The following MAPK6 variants were observed in gnomAD, a reference collection of about 807,000 sequenced individuals.
MAPK6 encodes the protein mitogen-activated protein kinase 6.
A neutral mutation model predicts 59.3 loss-of-function variants in MAPK6; 19 were observed. The ratio of observed to expected loss-of-function variants is 0.32; its 90% CI spans 0.22 to 0.47. The LOEUF (loss-of-function observed/expected upper bound fraction) is 0.47, where lower values mean the gene tolerates loss of function less well. Among genes scored for constraint, MAPK6 ranks in the 20% least tolerant of loss-of-function variants. MAPK6 has a pLI of 1.00. For missense variants in MAPK6, 724 were observed against 847.9 expected, an observed-to-expected ratio of 0.85 and a Z score of 1.81; for synonymous variants, 316 against 290.3, an observed-to-expected ratio of 1.09 and a Z score of -0.90.
chr15:52,059,477 A>T (rs1566913877), intron 4 of MAPK6, among the ~76,000 whole-genome samples: 4 of 152,050 alleles, frequency 2.6e-5, no homozygotes, highest in Admixed American at 2.6e-4. Context: ...TGGGAGGTGG[A>T]GTGGGGAACA....
intron 3 of MAPK6, chr15:52,056,974 T>C (rs1386944405): frequency 6.6e-6 from 1 of 152,224 alleles, no homozygotes; most frequent in Admixed American, 6.5e-5. Flanking sequence ...GGGCCCCTGA[T>C]ATTTCTTCCT....
At chr15:51,976,196 G>T (rs772112465) in intron 1 of MAPK6, among the ~76,000 whole-genome samples, 1 of 150,046 alleles carries the variant, frequency 6.7e-6, no homozygotes, top group Non-Finnish European at 1.5e-5. Context: ...AACCCGGGAG[G>T]CAGAGGTTGC....
upstream of MAPK6, among the ~76,000 whole-genome samples, chr15:52,015,918 C>A (rs1442674578): frequency 2.3e-4 from 1 of 4,418 alleles, no homozygotes; most frequent in African/African-American, 2.7e-4. Flanking sequence ...ATTAGTTGGG[C>A]GTGGTGGCGC....
chr15:51,986,715 C>G (rs987226428), intron 2 of MAPK6, among the ~76,000 whole-genome samples: 1 of 152,110 alleles, frequency 6.6e-6, no homozygotes, highest in African/African-American at 2.4e-5. Flanking sequence ...ATATTTTCCC[C>G]TCTCAAAGGT....
Position 52,067,359 on chromosome 15 carries a change from A to C in MAPK6, c.*2359A>C, listed in dbSNP as rs1487563880. The C allele has an allele frequency of 6.6e-6, 1 of 152,206 alleles. No homozygotes were observed. Among genetic ancestry groups the C allele is most frequent in the Admixed American group, 6.5e-5 (1 of 15,280 alleles). The allele number at this position is 152,206 out of a possible 1,614,324, so 9.4% of individuals were successfully genotyped here. On this transcript the variant is annotated 3_prime_UTR_variant, in exon 6 of 6. Transcript: ENST00000261845. The stretch of plus-strand genomic sequence containing the variant: ...GTTGTAAAGTCAATTTCCAATAAAA[A>C]TTTTATGTGCCAATTACTTTGTCTC...
chr15:52,028,262 T>G (rs1318570628), intron 1 of MAPK6, among the ~76,000 whole-genome samples: 1 of 151,936 alleles, frequency 6.6e-6, no homozygotes, highest in Non-Finnish European at 1.5e-5. Context: ...ATTTTTGTAT[T>G]TTTAGTAGAG....
At chr15:51,976,284 AAAG>A (rs2057157245) in intron 1 of MAPK6, among the ~76,000 whole-genome samples, 1 of 151,192 alleles carries the variant, frequency 6.6e-6, no homozygotes, top group Admixed American at 6.6e-5. Context: ...AAAAAAAAAA[AAAG>A]AAGTTAATTA....
At chr15:52,002,903 A>G (rs1455511836) in intron 2 of MAPK6, among the ~76,000 whole-genome samples, 2 of 152,086 alleles carry the variant, frequency 1.3e-5, no homozygotes, top group East Asian at 1.9e-4. Flanking sequence ...TAAAACCATC[A>G]GATCACCGGG....
chr15:52,030,255 G>C (rs1427542283), intron 1 of MAPK6, among the ~76,000 whole-genome samples: 1 of 152,158 alleles, frequency 6.6e-6, no homozygotes, highest in Admixed American at 6.6e-5. Flanking sequence ...TTGTTAATTA[G>C]CTAACATGTT....
At chr15:51,991,052 C>CTCA (rs2057206607) in intron 2 of MAPK6, among the ~76,000 whole-genome samples, 1 of 151,890 alleles carries the variant, frequency 6.6e-6, no homozygotes, top group Non-Finnish European at 1.5e-5. Context: ...CACTTGAACC[C>CTCA]AGGAAGAGGA....
At chr15:51,972,489 AT>A (rs966617171) in intron 1 of MAPK6, among the ~76,000 whole-genome samples, 2 of 149,228 alleles carry the variant, frequency 1.3e-5, no homozygotes, top group Non-Finnish European at 3.0e-5. Flanking sequence ...TCATTTAAAA[AT>A]AATATACATG....
At chr15:51,974,666 A>G (rs2057152119) in intron 1 of MAPK6, among the ~76,000 whole-genome samples, 1 of 149,712 alleles carries the variant, frequency 6.7e-6, no homozygotes, top group African/African-American at 2.4e-5. Context: ...CTCAAAAAAA[A>G]AAAAAAAAAA....
At chr15:51,979,451 G>T (rs1161006692) in intron 1 of MAPK6, among the ~76,000 whole-genome samples, 1 of 151,720 alleles carries the variant, frequency 6.6e-6, no homozygotes, top group African/African-American at 2.4e-5. Flanking sequence ...ACATGGTAAG[G>T]AGGAGGAAAA....
chr15:52,057,247 A>T (rs779342398), intron 3 of MAPK6: 1 of 151,618 alleles, frequency 6.6e-6, no homozygotes, highest in Non-Finnish European at 1.5e-5. Flanking sequence ...CATCGCAGCC[A>T]GGGTGGTCCT....
chr15:52,024,411 T>C (rs944502580), intron 1 of MAPK6, among the ~76,000 whole-genome samples: 4 of 151,292 alleles, frequency 2.6e-5, no homozygotes, highest in Non-Finnish European at 5.9e-5. Context: ...TCTTTTTTTT[T>C]TTTTTTGGAG....
chr15:52,004,591 G>T (rs2141826500), intron 3 of MAPK6, among the ~76,000 whole-genome samples: 1 of 152,276 alleles, frequency 6.6e-6, no homozygotes, highest in East Asian at 1.9e-4. Context: ...CACAGTTGTG[G>T]AGGCTGGGAA....
intron 2 of MAPK6, among the ~76,000 whole-genome samples, chr15:51,992,051 G>A (rs968233953): frequency 6.6e-6 from 1 of 151,964 alleles, no homozygotes; most frequent in African/African-American, 2.4e-5. Flanking sequence ...CGACATCCCA[G>A]GCTCCAGTGA....
At chr15:52,063,112 G>A (rs1416501214) in intron 5 of MAPK6, among the ~76,000 whole-genome samples, 7 of 152,140 alleles carry the variant, frequency 4.6e-5, no homozygotes, top group African/African-American at 1.4e-4. Context: ...TCTGTTGCCA[G>A]GCTGGAGTGC....
Position 52,064,838 on chromosome 15 carries a change from C to A in MAPK6, c.2004C>A (p.Phe668Leu). 1 of 1,611,880 alleles carries A rather than the reference C, an allele frequency of 6.2e-7. No homozygotes were observed. Among genetic ancestry groups the A allele is most frequent in the South Asian group, 1.1e-5 (1 of 90,982 alleles). The change falls in exon 6 of 6, where the codon TTC becomes TTA. Residue 668 changes from phenylalanine to leucine, a missense_variant. By Grantham distance (22) the Phe-to-Leu change is conservative (BLOSUM62 0). Coordinates refer to ENST00000261845, the MANE Select transcript of MAPK6 (RefSeq NM_002748.4). ...EEGFLNNSGE[F>L]LFNKQLESIG... ...GATTTCTGAACAACAGTGGGGAGTT[C>A]CTCTTTAACAAGCAGCTCGAGTCCA...
Sources: gnomAD v4.1 joint callset for allele counts (sites outside exome capture counted in the v4.1 genomes callset) on GRCh38, gnomAD v4.1.1 for gene constraint, MANE v1.5 for transcripts, NCBI Gene and HGNC (gene_info 2026-07-23, HGNC 2026-07-21) for gene names.